Variants in SLC35D4 observed in about 807,000 individuals in gnomAD.
SLC35D4 encodes UDP-N-acetylglucosamine transporter SLC35D4.
the SLC35D4 span, among the ~76,000 whole-genome samples, chr18:23,436,275 G>A: frequency 8.6e-5 from 13 of 150,296 alleles, no homozygotes; most frequent in East Asian, 1.8e-3. Context: ...CAATCCACCC[G>A]CCTCGGCCTC....
At chr18:23,319,248 A>C in the SLC35D4 span, among the ~76,000 whole-genome samples, 1 of 16,382 alleles carries the variant, frequency 6.1e-5, no homozygotes, top group Middle Eastern at 0.045. Flanking sequence ...TCAGTGCTTT[A>C]TTTATTTATT....
chr18:23,261,477 A>G, the SLC35D4 span, among the ~76,000 whole-genome samples: 2 of 151,740 alleles, frequency 1.3e-5, no homozygotes, highest in East Asian at 3.9e-4. Context: ...CAAAAAATTA[A>G]CTGGGCATGG....
chr18:23,416,437 T>C, the SLC35D4 span, among the ~76,000 whole-genome samples: 27,528 of 152,124 alleles, frequency 0.18, 3,956 homozygotes, highest in African/African-American at 0.35. Context: ...TCTGCATTCA[T>C]AGTTACTCAG....
At chr18:23,331,523 C>G in the SLC35D4 span, 1 of 152,264 alleles carries the variant, frequency 6.6e-6, no homozygotes, top group Non-Finnish European at 1.5e-5. Flanking sequence ...ACGTTGGGCT[C>G]TGCTTTCTGA....
the SLC35D4 span, among the ~76,000 whole-genome samples, chr18:23,317,741 CATTTCT>C: frequency 2.0e-5 from 3 of 151,620 alleles, no homozygotes; most frequent in African/African-American, 4.9e-5. Context: ...TTATATGTTT[CATTTCT>C]TTTTTTTTTT....
chr18:23,253,876 G>A, the SLC35D4 span: 33 of 1,614,112 alleles, frequency 2.0e-5, no homozygotes, highest in South Asian at 3.4e-4. Context: ...GGGCATGTGT[G>A]CTGTTAGCAG....
the SLC35D4 span, among the ~76,000 whole-genome samples, chr18:23,287,698 C>G: frequency 6.6e-6 from 1 of 152,184 alleles, no homozygotes; most frequent in Non-Finnish European, 1.5e-5. Context: ...AATCTTTTCC[C>G]CACTCCTCTT....
chr18:23,270,631 C>G, the SLC35D4 span, among the ~76,000 whole-genome samples: 1 of 152,184 alleles, frequency 6.6e-6, no homozygotes, highest in Non-Finnish European at 1.5e-5. Flanking sequence ...GCCACAGGGG[C>G]GGAGCTGCTC....
chr18:23,356,669 G>A, the SLC35D4 span: 2 of 1,613,744 alleles, frequency 1.2e-6, no homozygotes, highest in Non-Finnish European at 1.7e-6. This position sits in a 1 kb window ranked among gnomAD's most constrained non-coding sequence, Gnocchi z 4.1. Context: ...ATCACCTGAG[G>A]GGAACAGCAA....
chr18:23,436,492 T>C, the SLC35D4 span, among the ~76,000 whole-genome samples: 1 of 151,982 alleles, frequency 6.6e-6, no homozygotes, highest in Non-Finnish European at 1.5e-5. Flanking sequence ...CTTATCGCCA[T>C]AACTAAAAAT....
chr18:23,271,209 C>A, the SLC35D4 span, among the ~76,000 whole-genome samples: 1,637 of 152,284 alleles, frequency 0.011, 27 homozygotes, highest in African/African-American at 0.036. Context: ...TCTCATCTGC[C>A]GCCATGTGAG....
the SLC35D4 span, among the ~76,000 whole-genome samples, chr18:23,282,151 G>C: frequency 1.2e-4 from 18 of 152,360 alleles, no homozygotes; most frequent in South Asian, 4.1e-4. Context: ...AGGGCACGAA[G>C]ACACATGTGC....
At chr18:23,415,745 T>C in the SLC35D4 span, among the ~76,000 whole-genome samples, 1 of 152,242 alleles carries the variant, frequency 6.6e-6, no homozygotes, top group Non-Finnish European at 1.5e-5. Flanking sequence ...AGCTTATGGC[T>C]GTACAACAGC....
the SLC35D4 span, among the ~76,000 whole-genome samples, chr18:23,311,047 T>C: frequency 6.6e-6 from 1 of 151,586 alleles, no homozygotes; most frequent in Non-Finnish European, 1.5e-5. Context: ...TCAAAGATCA[T>C]ATTGAATGAC....
chr18:23,435,496 A>G, the SLC35D4 span, among the ~76,000 whole-genome samples: 1 of 152,254 alleles, frequency 6.6e-6, no homozygotes, highest in Non-Finnish European at 1.5e-5. Context: ...CAAAAAACAA[A>G]CAAACAAACA....
At chr18:23,339,594 G>C in the SLC35D4 span, among the ~76,000 whole-genome samples, 9 of 152,168 alleles carry the variant, frequency 5.9e-5, no homozygotes, top group Admixed American at 2.6e-4. Context: ...AACAATGGAG[G>C]ATTACAGGGT....
chr18:23,395,242 G>T, the SLC35D4 span, among the ~76,000 whole-genome samples: 1 of 152,106 alleles, frequency 6.6e-6, no homozygotes, highest in Non-Finnish European at 1.5e-5. Flanking sequence ...CTCTTCCTTT[G>T]TGGATCCAAC....
At chr18:23,253,837 C>T in the SLC35D4 span, 1 of 1,614,244 alleles carries the variant, frequency 6.2e-7, no homozygotes, top group African/African-American at 1.3e-5. Flanking sequence ...AGGGGAAACT[C>T]AACAAACAGA....
chr18:23,359,290 C>A, the SLC35D4 span, among the ~76,000 whole-genome samples: 1 of 149,234 alleles, frequency 6.7e-6, no homozygotes, highest in African/African-American at 2.5e-5. Flanking sequence ...GAGGCTGAGG[C>A]AGAGAATTGC....
Sources: gnomAD v4.1 joint callset for allele counts (sites outside exome capture counted in the v4.1 genomes callset) on GRCh38, gnomAD v4.1.1 for gene constraint, Gnocchi (gnomAD v3.1) non-coding constraint, MANE v1.5 for transcripts, NCBI Gene and HGNC (gene_info 2026-07-23, HGNC 2026-07-21) for gene names.